INPPL1: variants seen among roughly 807,000 people sequenced by gnomAD.
INPPL1 encodes phosphatidylinositol 3,4,5-trisphosphate 5-phosphatase 2.
In INPPL1, 91 loss-of-function variants were observed where a neutral mutation model predicts 139.3. The ratio of observed to expected loss-of-function variants is 0.65; its 90% CI spans 0.55 to 0.78. The LOEUF (loss-of-function observed/expected upper bound fraction) is 0.78, where lower values mean the gene tolerates loss of function less well. INPPL1 is among the 30% of genes least tolerant of loss of function. The pLI, the probability that INPPL1 is intolerant of heterozygous loss-of-function variation, is 0.00. For missense variants in INPPL1, 1,411 were observed against 1,665.6 expected (o/e 0.85, Z 2.66); for synonymous variants, 719 against 686.6 (o/e 1.05, Z -0.74).
rs747832343 is a variant in INPPL1, at chr11:72,235,999, AC to A, written c.2879+15del. The A allele has an allele frequency of 1.8e-5, 26 of 1,482,942 alleles. No homozygotes were observed. In the Admixed American group the frequency reaches 4.8e-4, roughly 27 times the overall value. 91.9% of individuals were successfully genotyped at this position (1,482,942 alleles called of 1,614,324 possible). A position where few individuals can be genotyped will look rare whatever the true frequency, so the allele number is the denominator to read the frequency against. On this transcript the variant is annotated intron_variant, in intron 25 of 27. Coordinates refer to ENST00000298229, the MANE Select transcript of INPPL1 (RefSeq NM_001567.4). This position sits in a 1 kb window ranked among gnomAD's most constrained non-coding sequence, Gnocchi z 4.9. ...CCTTGACCCCCAGGTGAGAGGAGGA[AC>A]CTGTCACCGCCCCCCCTTCCCCCAC...
chr11:72,233,366 C>A, intron 17 of INPPL1, 75 bp from the exon 18 acceptor site: 1 of 1,301,248 alleles, frequency 7.7e-7, no homozygotes, highest in Non-Finnish European at 1.1e-6. Flanking sequence ...GGGGACTCAT[C>A]AGCTCTGGAG....
chr11:72,230,334 C>G (rs201181686), intron 9 of INPPL1, 28 bp from the exon 10 acceptor site: 5 of 1,613,570 alleles, frequency 3.1e-6, no homozygotes, highest in Middle Eastern at 1.7e-4. Flanking sequence ...GGGGCACAGG[C>G]CCATGTGACC....
Position 72,229,353 on chromosome 11 carries a change from C to T in INPPL1, c.660-112C>T, listed in dbSNP as rs570601473. On this transcript the variant is annotated intron_variant, in intron 5 of 27. Coordinates refer to ENST00000298229, the MANE Select transcript of INPPL1 (RefSeq NM_001567.4). ...CAGTGAACTAGCCATTGCCTCTTGA[C>T]TTTCCTCACTGGTAGCCTTTATCCT... 7 of 1,405,818 alleles carry T rather than the reference C, an allele frequency of 5.0e-6. No individual in the cohort carries two copies. The African/African-American group carries it at 5.7e-5, about 11-fold the overall frequency. The allele number at this position is 1,405,818 out of a possible 1,614,324, so 87.1% of individuals were successfully genotyped here.
chr11:72,237,448 C>G lies in INPPL1; in HGVS notation c.3204C>G (p.Ser1068Arg). The change falls in exon 26 of 28, where the codon AGC becomes AGG. Residue 1068 changes from serine to arginine, a missense_variant. Transcript: ENST00000298229. The stretch of plus-strand genomic sequence containing the variant: ...ACTCAGCCATCTTCCTGCCCCCCAG[C>G]CTGGATCCTTTACCAGGGCCAGTGG... ...LPDSAIFLPP[S>R]LDPLPGPVVR... 6.2e-7 allele frequency: 1 copy of G among 1,610,556 alleles called. No individual in the cohort carries two copies. Among genetic ancestry groups the G allele is most frequent in the East Asian group, 2.2e-5 (1 of 44,780 alleles).
Position 72,238,049 on chromosome 11 carries a change from G to A in INPPL1, c.3560G>A (p.Cys1187Tyr), listed in dbSNP as rs1949046986. The change falls in exon 27 of 28, where the codon TGC (cysteine) becomes TAC (tyrosine). Residue 1187 changes from cysteine (C) to tyrosine (Y), a missense_variant. Physicochemically the swap from Cys to Tyr is radical, Grantham distance 194. Around this residue, in one of 5 missense-constraint regions of INPPL1, gnomAD observed 438 missense variants for 425.7 expected, o/e 1.03. Transcript: ENST00000298229. ...CATGCCCTGTTTCCTTAGGCTCCGT[G>A]CCTGCAGGGCGGGCGGGCCAGCGGG... ...IQEDLAEEAPCLQGGRASGLG... is the reference protein window; with the variant it reads ...IQEDLAEEAPYLQGGRASGLG... 6.5e-7 allele frequency: 1 copy of A among 1,550,024 alleles called. No individual in the cohort carries two copies. The highest frequency in any genetic ancestry group is 2.3e-5 in the East Asian group (1 of 44,164).
At chr11:72,233,592 G>C (rs1948896986) in intron 18 of INPPL1, 63 bp from the exon 19 acceptor site, 13 of 1,606,616 alleles carry the variant, frequency 8.1e-6, no homozygotes, top group Non-Finnish European at 1.0e-5. Flanking sequence ...CCTAACCTTG[G>C]GAGGTGGGAG....
rs763467176 is a variant in INPPL1, at chr11:72,231,189, G to A, written c.1497G>A (p.Pro499=). 1.9e-6 allele frequency: 3 copies of A among 1,608,412 alleles called. No homozygotes were observed. The highest frequency in any genetic ancestry group is 1.3e-5 in the African/African-American group (1 of 74,952). Residue 499 remains proline (P), a splice_region_variant and synonymous_variant, in exon 12 of 28, where the codon CCG becomes CCA. Coordinates refer to ENST00000298229, the MANE Select transcript of INPPL1 (RefSeq NM_001567.4). ...AGCTTACGGATCTGGATTACCGCCCGGTGAGGGGGGGTCATCTTGTCCAGG... is the reference window on the plus strand; with the variant it reads ...AGCTTACGGATCTGGATTACCGCCCAGTGAGGGGGGGTCATCTTGTCCAGG... ...LKELTDLDYR[P]IAMQSLWNIK...
chr11:72,234,976 G>T lies in INPPL1; in HGVS notation c.2416-140G>T. 1 of 684,472 alleles carries T rather than the reference G, an allele frequency of 1.5e-6. No homozygotes were observed. The highest frequency in any genetic ancestry group is 2.6e-6 in the Non-Finnish European group (1 of 391,922). The allele number at this position is 684,472 out of a possible 1,614,324, so 42.4% of individuals were successfully genotyped here. Reference sequence around the variant, plus strand: ...GCTGTGTCTTCTGCATTAAGGATTTGGCTCTTCTCTGAAGAGTTGAGTGTG... The same window carrying T: ...GCTGTGTCTTCTGCATTAAGGATTTTGCTCTTCTCTGAAGAGTTGAGTGTG... On this transcript the variant is annotated intron_variant, in intron 21 of 27. Transcript: ENST00000298229. The surrounding 1 kb of genome is among the most constrained non-coding windows in gnomAD (Gnocchi z 4.2).
At chr11:72,226,484 A>C (rs1948677515) in intron 1 of INPPL1, among the ~76,000 whole-genome samples, 1 of 152,014 alleles carries the variant, frequency 6.6e-6, no homozygotes, top group South Asian at 2.1e-4. Context: ...CCAGCTGGGG[A>C]GACATTTTTA....
chr11:72,230,101 C>T lies in INPPL1; in HGVS notation c.940-20C>T, dbSNP rs2135426566. 8 of 1,611,074 alleles carry T rather than the reference C, an allele frequency of 5.0e-6. No individual in the cohort carries two copies. In the Admixed American group the frequency reaches 1.3e-4, roughly 27 times the overall value. On this transcript the variant is annotated intron_variant, in intron 8 of 27. Transcript: ENST00000298229. ...GCCTACTCCAAGGTCTTGTCAGCAGCCTCCCCACCTGGCCTACAGGTGAAG... is the reference window on the plus strand; with the variant it reads ...GCCTACTCCAAGGTCTTGTCAGCAGTCTCCCCACCTGGCCTACAGGTGAAG...
chr11:72,229,892 C>G, intron 7 of INPPL1, 32 bp from the exon 8 acceptor site: 1 of 1,605,326 alleles, frequency 6.2e-7, no homozygotes, highest in Non-Finnish European at 8.5e-7. Flanking sequence ...TCAGTGTGTC[C>G]CCTGACCCCG....
intron 1 of INPPL1, among the ~76,000 whole-genome samples, chr11:72,227,143 G>A (rs1948698168): frequency 6.6e-6 from 1 of 152,210 alleles, no homozygotes; most frequent in South Asian, 2.1e-4. Context: ...TGCCCCAGCA[G>A]GCACAGGCAA....
chr11:72,229,719 GC>G lies in INPPL1; in HGVS notation c.811del (p.Leu271Ter). 1.2e-6 allele frequency: 2 copies of G among 1,614,056 alleles called. No homozygotes were observed. Among genetic ancestry groups the G allele is most frequent in the Non-Finnish European group, 1.7e-6 (2 of 1,180,014 alleles). ...AGAGCCTGGTGCTGAAGCTGTCAGT[GC>G]TAAAGGACTTCCTGTCAGGCATCCA... ...LESLVLKLSVLKDFLSGIQKK... is the reference protein window; with the variant it reads ...LESLVLKLSVXKDFLSGIQKK... On this transcript the variant is annotated frameshift_variant, in exon 7 of 28. Transcript: ENST00000298229. LOFTEE classifies it high-confidence loss of function.
At position 72,225,147 on chromosome 11, in the gene INPPL1, G is replaced by T; in HGVS notation, c.163G>T (p.Ala55Ser). The T allele has an allele frequency of 8.1e-7, 1 of 1,231,848 alleles. No individual in the cohort carries two copies. The highest frequency in any genetic ancestry group is 1.0e-6 in the Non-Finnish European group (1 of 987,728). The allele number at this position is 1,231,848 out of a possible 1,614,324, so 76.3% of individuals were successfully genotyped here. ...CCGAGACAGCGAGAGCGTGGCGGGG[G>T]CCTTCGCGCTCTGCGTCCTGTGAGT... ...LVRDSESVAG[A>S]FALCVLYQKH... is the part of the protein sequence containing the mutation. Residue 55 changes from alanine to serine, a missense_variant, in exon 1 of 28, where the codon GCC (alanine) becomes TCC (serine). Physicochemically the swap from Ala to Ser is moderately conservative, Grantham distance 99. Around this residue, in one of 5 missense-constraint regions of INPPL1, gnomAD observed 504 missense variants for 595.6 expected, o/e 0.85. Coordinates refer to ENST00000298229, the MANE Select transcript of INPPL1 (RefSeq NM_001567.4).
In INPPL1 at chr11:72,238,369, G is replaced by C. The variant is rs752531190; in HGVS notation, c.*16G>C. The C allele has an allele frequency of 1.3e-6, 2 of 1,524,014 alleles. No individual in the cohort carries two copies. The highest frequency in any genetic ancestry group is 1.8e-6 in the Non-Finnish European group (2 of 1,137,574). The allele number at this position is 1,524,014 out of a possible 1,614,324, so 94.4% of individuals were successfully genotyped here. A position where few individuals can be genotyped will look rare whatever the true frequency, so the allele number is the denominator to read the frequency against. ...CAGCAAGTGATAGCGGAGGCACCACGAAGCTGTGAACTCAGAGCCCCTCCC... is the reference window on the plus strand; with the variant it reads ...CAGCAAGTGATAGCGGAGGCACCACCAAGCTGTGAACTCAGAGCCCCTCCC... On this transcript the variant is annotated 3_prime_UTR_variant, in exon 28 of 28. Transcript: ENST00000298229.
chr11:72,229,884 A>T, intron 7 of INPPL1, 40 bp from the exon 8 acceptor site: 2 of 1,596,436 alleles, frequency 1.3e-6, no homozygotes, highest in Non-Finnish European at 1.7e-6. Context: ...CCCAGCCTTC[A>T]GTGTGTCCCC....
At chr11:72,231,327 C>G in intron 12 of INPPL1, 138 bp downstream of exon 12, 2 of 981,488 alleles carry the variant, frequency 2.0e-6, no homozygotes, top group South Asian at 1.5e-5. Flanking sequence ...TTTGGGAGAT[C>G]TGACCTGAGT....
chr11:72,234,732 A>AGAGTGTGTGTGTGT lies in INPPL1; in HGVS notation c.2415+118_2415+119insAGTGTGTGTGTGTG, dbSNP rs746371096. 6.8e-5 allele frequency: 36 copies of AGAGTGTGTGTGTGT among 528,498 alleles called. No individual in the cohort carries two copies. The highest frequency in any genetic ancestry group is 6.0e-4 in the African/African-American group (29 of 48,608). The allele number at this position is 528,498 out of a possible 1,614,324, so 32.7% of individuals were successfully genotyped here. A position where few individuals can be genotyped will look rare whatever the true frequency, so the allele number is the denominator to read the frequency against. On this transcript the variant is annotated intron_variant, in intron 21 of 27. Coordinates refer to ENST00000298229, the MANE Select transcript of INPPL1 (RefSeq NM_001567.4). The surrounding 1 kb of genome is among the most constrained non-coding windows in gnomAD (Gnocchi z 4.2). ...GGGGCCAGCAGAGAGAGAGAGAGAG[A>AGAGTGTGTGTGTGT]GTGTGTGTGTGTGTGTGTGTGTGTG...
intron 16 of INPPL1, 31 bp from the exon 17 acceptor site, chr11:72,233,044 C>T (rs1384328409): frequency 1.9e-6 from 3 of 1,612,072 alleles, no homozygotes; most frequent in Admixed American, 1.7e-5. Context: ...TGTCAGGGCC[C>T]TGAACCCCAC....
Sources: allele counts gnomAD v4.1 joint callset (sites outside exome capture counted in the v4.1 genomes callset), GRCh38; gene constraint gnomAD v4.1.1; regional missense constraint gnomAD v4.1.1; non-coding constraint Gnocchi (gnomAD v3.1); transcripts MANE v1.5; gene names NCBI Gene and HGNC (gene_info 2026-07-23, HGNC 2026-07-21).